APCDD1L: variants seen among roughly 807,000 people sequenced by gnomAD.
APCDD1L encodes protein APCDD1-like.
APCDD1L carries 21 observed loss-of-function variants against 24.2 expected under a neutral mutation model. The observed-to-expected ratio is 0.87, with a 90% CI of 0.61 to 1.25. APCDD1L has a LOEUF of 1.25. Among genes scored for constraint, APCDD1L ranks in the 50% most tolerant of loss-of-function variants. The probability of loss-of-function intolerance (pLI) is 0.00; values close to 1 mark genes in which losing one functional copy is unlikely to be tolerated. For synonymous variants in APCDD1L, 321 were observed against 323.6 expected (o/e 0.99, Z 0.09); for missense variants, 704 against 711.7 (o/e 0.99, Z 0.12).
intron 1 of APCDD1L, among the ~76,000 whole-genome samples, chr20:58,511,582 G>A (rs1195699733): frequency 6.6e-6 from 1 of 152,244 alleles, no homozygotes; most frequent in African/African-American, 2.4e-5. Context: ...TTGGTCAGAA[G>A]ATAAGTGGCA....
At chr20:58,471,376 G>A (rs1329259078) in intron 1 of APCDD1L, among the ~76,000 whole-genome samples, 4 of 152,176 alleles carry the variant, frequency 2.6e-5, no homozygotes, top group African/African-American at 7.2e-5. Context: ...GCGCATGGCC[G>A]CTGCAGAGGC....
rs115059518 is a variant in APCDD1L, at chr20:58,467,937, C to T, written c.189-279G>A. ...CTGCTGGAGGGCCTTTTGCAACCAC[C>T]TGGGGACCCGCTGGCCTGGGAGCTC... On this transcript the variant is annotated intron_variant, in intron 2 of 3. Transcript: ENST00000371149. This position sits in a 1 kb window ranked among gnomAD's most constrained non-coding sequence, Gnocchi z 5.9. Among the ~76,000 whole-genome samples the T allele has an allele frequency of 0.045, 6,922 of 152,252 alleles. 348 individuals carry two copies. The highest frequency in any genetic ancestry group is 0.17 in the Admixed American group (2,556 of 15,290).
intron 1 of APCDD1L, among the ~76,000 whole-genome samples, chr20:58,483,278 C>T (rs550868629): frequency 1.3e-5 from 2 of 152,050 alleles, no homozygotes; most frequent in South Asian, 2.1e-4. Context: ...GCGGCTGGTG[C>T]GGAGGGAGGC....
chr20:58,476,303 G>A (rs1989908556), intron 1 of APCDD1L, among the ~76,000 whole-genome samples: 1 of 152,198 alleles, frequency 6.6e-6, no homozygotes, highest in Non-Finnish European at 1.5e-5. Context: ...CAATTCTCCT[G>A]CCTCAGCCTC....
intron 1 of APCDD1L, among the ~76,000 whole-genome samples, chr20:58,487,818 C>T (rs1260296350): frequency 6.6e-6 from 1 of 152,188 alleles, no homozygotes; most frequent in African/African-American, 2.4e-5. Context: ...GAAATGTTGA[C>T]AAATCCATCG....
chr20:58,481,371 G>C lies in APCDD1L; in HGVS notation c.50-10624C>G, dbSNP rs1175151057. 3.3e-5 allele frequency among the ~76,000 whole-genome samples: 5 copies of C among 152,226 alleles called. No individual in the cohort carries two copies. In the East Asian group the frequency reaches 7.7e-4, roughly 23 times the overall value. ...CGAAGGTGTTCGTATACATCATGGC[G>C]AAGACCCCTCAGAACCCAGAAAGGG... On this transcript the variant is annotated intron_variant, in intron 1 of 3. Transcript: ENST00000371149.
rs540284110 is a variant in APCDD1L at position 58,477,937 on chromosome 20, C to A, written c.50-7190G>T. On this transcript the variant is annotated intron_variant, in intron 1 of 3. Transcript: ENST00000371149. ...GCCCAGCTCTTTCTGAGTTGATTAA[C>A]AGTAATTGTGCTGTAAAGATGTACT... 2.6e-5 allele frequency among the ~76,000 whole-genome samples: 4 copies of A among 152,190 alleles called. No homozygotes were observed. In the South Asian group the frequency reaches 6.2e-4, roughly 24 times the overall value.
rs1352864506 is a variant in APCDD1L at position 58,508,382 on chromosome 20, C to T, written c.49+6277G>A. On this transcript the variant is annotated intron_variant, in intron 1 of 3. Transcript: ENST00000371149. The surrounding 1 kb of genome is among the most constrained non-coding windows in gnomAD (Gnocchi z 4.0). Reference sequence around the variant, plus strand: ...ATCAAGGAGCACAGGGAGGGGAGAGCACAGAGAGAGTGAACATGGCTGAGA... The same window carrying T: ...ATCAAGGAGCACAGGGAGGGGAGAGTACAGAGAGAGTGAACATGGCTGAGA... Among the ~76,000 whole-genome samples the T allele has an allele frequency of 6.6e-6, 1 of 152,164 alleles. No individual in the cohort carries two copies. The highest frequency in any genetic ancestry group is 1.5e-5 in the Non-Finnish European group (1 of 68,030).
chr20:58,494,637 C>T lies in APCDD1L; in HGVS notation c.49+20022G>A, dbSNP rs1990286478. On this transcript the variant is annotated intron_variant, in intron 1 of 3. Coordinates refer to ENST00000371149, the MANE Select transcript of APCDD1L (RefSeq NM_153360.3). This position sits in a 1 kb window ranked among gnomAD's most constrained non-coding sequence, Gnocchi z 4.8. ...TATAGGTGTGAGCCACTGTGCCTGG[C>T]TGTCAACTGTGTTTCAAAGTATACA... 6.6e-6 allele frequency among the ~76,000 whole-genome samples: 1 copy of T among 152,184 alleles called. No individual in the cohort carries two copies. Among genetic ancestry groups the T allele is most frequent in the African/African-American group, 2.4e-5 (1 of 41,442 alleles).
At chr20:58,487,455 A>C (rs1232254766) in intron 1 of APCDD1L, among the ~76,000 whole-genome samples, 3 of 151,886 alleles carry the variant, frequency 2.0e-5, no homozygotes, top group Non-Finnish European at 4.4e-5. Flanking sequence ...TAAAAAGTAT[A>C]GTTTGTGGGA....
rs1272311970 is a variant in APCDD1L at position 58,494,782 on chromosome 20, C to G, written c.49+19877G>C. On this transcript the variant is annotated intron_variant, in intron 1 of 3. Transcript: ENST00000371149. The surrounding 1 kb of genome is among the most constrained non-coding windows in gnomAD (Gnocchi z 4.8). ...CGTACTTTGCCTGTGATTCCTGTCT[C>G]ACGATCATCTCCTGGCATTCTGCAC... Among the ~76,000 whole-genome samples the G allele has an allele frequency of 1.3e-5, 2 of 152,202 alleles. No individual in the cohort carries two copies. The highest frequency in any genetic ancestry group is 2.9e-5 in the Non-Finnish European group (2 of 68,028).
rs192183725 is a variant in APCDD1L at position 58,492,462 on chromosome 20, C to T, written c.50-21715G>A. ...CGTCAAATGCATTAATAGTCAGGGCCGTGCAAATTAAGACCCAATGAGGCT... is the reference window on the plus strand; with the variant it reads ...CGTCAAATGCATTAATAGTCAGGGCTGTGCAAATTAAGACCCAATGAGGCT... On this transcript the variant is annotated intron_variant, in intron 1 of 3. Transcript: ENST00000371149. Among the ~76,000 whole-genome samples, 230 of 152,258 alleles carry T rather than the reference C, an allele frequency of 1.5e-3. 2 individuals are homozygous for T. The highest frequency in any genetic ancestry group is 5.4e-3 in the African/African-American group (224 of 41,546).
In APCDD1L at chr20:58,509,942, C is replaced by T. The variant is rs987795342; in HGVS notation, c.49+4717G>A. On this transcript the variant is annotated intron_variant, in intron 1 of 3. Coordinates refer to ENST00000371149, the MANE Select transcript of APCDD1L (RefSeq NM_153360.3). Reference sequence around the variant, plus strand: ...CCTCCAGGAACCAGCCCCTGCCAACCCCTGACCTTGTCCACTCTCCACCCC... The same window carrying T: ...CCTCCAGGAACCAGCCCCTGCCAACTCCTGACCTTGTCCACTCTCCACCCC... Among the ~76,000 whole-genome samples the T allele has an allele frequency of 2.0e-5, 3 of 152,290 alleles. No individual in the cohort carries two copies. In the East Asian group the frequency reaches 5.8e-4, roughly 29 times the overall value.
chr20:58,463,897 G>C (rs1426128083), intron 3 of APCDD1L, among the ~76,000 whole-genome samples: 1 of 128,950 alleles, frequency 7.8e-6, no homozygotes, highest in African/African-American at 3.4e-5. Context: ...TTTTTTTTGG[G>C]GGGGGGGGGC....
intron 1 of APCDD1L, 75 bp from the exon 2 acceptor site, chr20:58,470,822 A>G: frequency 6.8e-7 from 1 of 1,465,902 alleles, no homozygotes; most frequent in Non-Finnish European, 9.0e-7. Flanking sequence ...TCCCAACCCC[A>G]CTGTGGCCAC....
chr20:58,513,769 T>C (rs1217695417), intron 1 of APCDD1L: 5 of 669,744 alleles, frequency 7.5e-6, no homozygotes, highest in African/African-American at 1.9e-5. Flanking sequence ...GTGAGCCCAT[T>C]TGACAGGAAA....
At position 58,467,714 on chromosome 20, in the gene APCDD1L, C is replaced by T. The variant is rs1989745174; in HGVS notation, c.189-56G>A. ...CAGAGGGAACACCGCGCCGCGAGCCCCTCTCCCCTCTGGGCTGGGCTCCTT... is the reference window on the plus strand; with the variant it reads ...CAGAGGGAACACCGCGCCGCGAGCCTCTCTCCCCTCTGGGCTGGGCTCCTT... On this transcript the variant is annotated intron_variant, in intron 2 of 3. Transcript: ENST00000371149. The surrounding 1 kb of genome is among the most constrained non-coding windows in gnomAD (Gnocchi z 5.9). 2.9e-6 allele frequency: 4 copies of T among 1,391,130 alleles called. No individual in the cohort carries two copies. Among genetic ancestry groups the T allele is most frequent in the Non-Finnish European group, 2.8e-6 (3 of 1,069,360 alleles). The allele number at this position is 1,391,130 out of a possible 1,614,324, so 86.2% of individuals were successfully genotyped here.
intron 1 of APCDD1L, among the ~76,000 whole-genome samples, chr20:58,490,943 G>A (rs1490929440): frequency 6.6e-6 from 1 of 152,202 alleles, no homozygotes; most frequent in African/African-American, 2.4e-5. Context: ...TTATGTCCAT[G>A]TTGGGTCTAT....
rs1265309918 is a variant in APCDD1L at position 58,497,291 on chromosome 20, C to T, written c.49+17368G>A. 6.6e-6 allele frequency among the ~76,000 whole-genome samples: 1 copy of T among 152,090 alleles called. No homozygotes were observed. The highest frequency in any genetic ancestry group is 1.5e-5 in the Non-Finnish European group (1 of 67,996). ...GCACGACTGAAGCCTTAGGCCTGGC[C>T]ACAGCTGCCCTGGAAAGTGGGTTCT... On this transcript the variant is annotated intron_variant, in intron 1 of 3. Transcript: ENST00000371149. The surrounding 1 kb of genome is among the most constrained non-coding windows in gnomAD (Gnocchi z 4.3).
Sources: allele counts gnomAD v4.1 joint callset (sites outside exome capture counted in the v4.1 genomes callset), GRCh38; gene constraint gnomAD v4.1.1; non-coding constraint Gnocchi (gnomAD v3.1); transcripts MANE v1.5; gene names NCBI Gene and HGNC (gene_info 2026-07-23, HGNC 2026-07-21).